Variants in XRRA1 observed in about 807,000 individuals in gnomAD.
XRRA1 encodes the protein X-ray radiation resistance-associated protein 1.
A neutral mutation model predicts 80.2 loss-of-function variants in XRRA1; 69 were observed. That is an observed-to-expected ratio of 0.86 (90% CI 0.71 to 1.05). XRRA1 has a LOEUF of 1.05. Among genes scored for constraint, XRRA1 ranks in the 50% least tolerant of loss-of-function variants. The probability of loss-of-function intolerance (pLI) is 0.00; values close to 1 mark genes in which losing one functional copy is unlikely to be tolerated. For synonymous variants in XRRA1, 348 were observed against 389.9 expected (o/e 0.89, Z 1.27); for missense variants, 967 against 976.4 (o/e 0.99, Z 0.13).
In XRRA1 at chr11:74,843,872, T is replaced by A; in HGVS notation, c.2131A>T (p.Ile711Phe). The change falls in exon 18 of 19, where the codon ATT becomes TTT. Residue 711 changes from isoleucine (I) to phenylalanine (F), a missense_variant. By Grantham distance (21) the Ile-to-Phe change is conservative (BLOSUM62 0). Coordinates refer to ENST00000684022, the MANE Select transcript of XRRA1 (RefSeq NM_001378157.1). ...GCCGTACCTAGTGGAGCCTCTGTAATGTTCCGGGGATCCCGCAAGCGAATG... is the reference window on the plus strand; with the variant it reads ...GCCGTACCTAGTGGAGCCTCTGTAAAGTTCCGGGGATCCCGCAAGCGAATG... ...IFIRLRDPRN[I>F]TEAPLGAVLH... 1 of 1,611,408 alleles carries A rather than the reference T, an allele frequency of 6.2e-7. No homozygotes were observed. Among genetic ancestry groups the A allele is most frequent in the South Asian group, 1.1e-5 (1 of 90,292 alleles).
chr11:74,869,855 C>T (rs549384738), intron 10 of XRRA1, among the ~76,000 whole-genome samples: 1 of 152,310 alleles, frequency 6.6e-6, no homozygotes, highest in African/African-American at 2.4e-5. Flanking sequence ...CCCTCTCCAG[C>T]AGAAAGCTAT....
chr11:74,899,785 C>G (rs2053192245), intron 10 of XRRA1, among the ~76,000 whole-genome samples: 2 of 152,084 alleles, frequency 1.3e-5, no homozygotes, highest in African/African-American at 4.8e-5. Flanking sequence ...AAAGAAAAGC[C>G]TGAGACATCA....
At chr11:74,844,617 GC>G (rs2037521821) in intron 16 of XRRA1, among the ~76,000 whole-genome samples, 1 of 152,228 alleles carries the variant, frequency 6.6e-6, no homozygotes, top group African/African-American at 2.4e-5. Context: ...GAACAGCCCA[GC>G]TGAATGCCAG....
intron 7 of XRRA1, among the ~76,000 whole-genome samples, chr11:74,925,874 C>G (rs1166861740): frequency 2.0e-5 from 3 of 152,274 alleles, no homozygotes; most frequent in African/African-American, 7.2e-5. Context: ...AATGACTACT[C>G]TCTGAAAAAG....
In XRRA1 at chr11:74,921,212, A is replaced by C. The variant is rs772651315; in HGVS notation, c.656+2T>G. ...GAATGGACTCCAGGAGGTAGAACTT[A>C]CTGTTCTGCGACGGCCAAATTGGGC... On this transcript the variant is annotated splice_donor_variant, in intron 8 of 18. Coordinates refer to ENST00000684022, the MANE Select transcript of XRRA1 (RefSeq NM_001378157.1). LOFTEE classifies it high-confidence loss of function. The C allele has an allele frequency of 8.7e-6, 14 of 1,613,580 alleles. No homozygotes were observed. The South Asian group carries it at 1.4e-4, about 16-fold the overall frequency.
intron 11 of XRRA1, among the ~76,000 whole-genome samples, chr11:74,861,059 C>CT (rs2042194312): frequency 6.6e-6 from 1 of 152,198 alleles, no homozygotes; most frequent in Non-Finnish European, 1.5e-5. Flanking sequence ...GCTCTGGACT[C>CT]TGAGGTGTGG....
At chr11:74,943,526 T>TAGGAGG (rs1282263991) in intron 2 of XRRA1, among the ~76,000 whole-genome samples, 18 of 39,462 alleles carry the variant, frequency 4.6e-4, no homozygotes, top group African/African-American at 2.0e-3. Context: ...AGTAGGAGGG[T>TAGGAGG]GTGTGTGTGT....
intron 10 of XRRA1, among the ~76,000 whole-genome samples, chr11:74,866,618 T>G (rs2043464629): frequency 6.9e-6 from 1 of 145,374 alleles, no homozygotes; most frequent in African/African-American, 2.6e-5. Flanking sequence ...AGTTCAGAAA[T>G]TTACCAGAAA....
chr11:74,848,220 A>C lies in XRRA1; in HGVS notation c.1623T>G (p.His541Gln), dbSNP rs558663204. 3.1e-6 allele frequency: 5 copies of C among 1,613,854 alleles called. No individual in the cohort carries two copies. In the Admixed American group the frequency reaches 5.0e-5, roughly 16 times the overall value. ...LPPICSNSTV[H>Q]SEETLSHLSD... The stretch of plus-strand genomic sequence containing the variant: ...TCAGGTGGGACAGGGTCTCTTCACT[A>C]TGCACAGTGGAGTTGGAGCAGATGG... Residue 541 changes from histidine (H) to glutamine (Q), a missense_variant, in exon 15 of 19, where the codon CAT (histidine) becomes CAG (glutamine). Physicochemically the swap from His to Gln is conservative, Grantham distance 24. Coordinates refer to ENST00000684022, the MANE Select transcript of XRRA1 (RefSeq NM_001378157.1).
At position 74,851,187 on chromosome 11, in the gene XRRA1, C is replaced by A. The variant is rs1214464841; in HGVS notation, c.1281G>T (p.Leu427=). Residue 427 remains leucine (L), a synonymous_variant, in exon 14 of 19, where the codon CTG becomes CTT. Coordinates refer to ENST00000684022, the MANE Select transcript of XRRA1 (RefSeq NM_001378157.1). ...CCAGTCGCTCCTGGAGGAAGCTCTT[C>A]AGCAGTGGAGGGACCCCTGGTGCCA... ...VAHTRGVPPL[L]KSFLQERLGI... The A allele has an allele frequency of 6.2e-7, 1 of 1,611,920 alleles. No individual in the cohort carries two copies. The highest frequency in any genetic ancestry group is 2.2e-5 in the East Asian group (1 of 44,830).
rs2135188785 is a variant in XRRA1, at chr11:74,841,461, TC to T, written c.*1738del. On this transcript the variant is annotated 3_prime_UTR_variant, in exon 19 of 19. Coordinates refer to ENST00000684022, the MANE Select transcript of XRRA1 (RefSeq NM_001378157.1). Reference sequence around the variant, plus strand: ...TATGCAAGGGTCACCAGTTTAGAGATCAGTCAAATTGGAAAAAGTGCCAAGA... The same window carrying T: ...TATGCAAGGGTCACCAGTTTAGAGATAGTCAAATTGGAAAAAGTGCCAAGA... 6.6e-6 allele frequency: 1 copy of T among 152,310 alleles called. No individual in the cohort carries two copies. The highest frequency in any genetic ancestry group is 2.1e-4 in the South Asian group (1 of 4,826). The allele number at this position is 152,310 out of a possible 1,614,324, so 9.4% of individuals were successfully genotyped here.
chr11:74,936,854 C>T, intron 4 of XRRA1, 30 bp downstream of exon 4: 1 of 1,599,116 alleles, frequency 6.3e-7, no homozygotes, highest in East Asian at 2.2e-5. Context: ...AGCTGATGTG[C>T]TGGCCACTCC....
chr11:74,843,357 C>T lies in XRRA1; in HGVS notation c.2246G>A (p.Arg749Gln), dbSNP rs753120857. The change falls in exon 19 of 19, where the codon CGG becomes CAG. Residue 749 changes from arginine (R) to glutamine (Q), a missense_variant. Arg to Gln is a conservative substitution (Grantham distance 43). Coordinates refer to ENST00000684022, the MANE Select transcript of XRRA1 (RefSeq NM_001378157.1). Reference sequence around the variant, plus strand: ...GCGCAGAGAGCCACTCACCAGCTGCCGGTAACGTGCCTGGAACTCCTTCAA... The same window carrying T: ...GCGCAGAGAGCCACTCACCAGCTGCTGGTAACGTGCCTGGAACTCCTTCAA... ...RLLKEFQARYRQLVSGSLRTV... is the reference protein window; with the variant it reads ...RLLKEFQARYQQLVSGSLRTV... The T allele has an allele frequency of 1.5e-5, 24 of 1,611,154 alleles. No homozygotes were observed. In the South Asian group the frequency reaches 2.0e-4, roughly 13 times the overall value.
chr11:74,936,972 G>T lies in XRRA1; in HGVS notation c.191C>A (p.Ala64Glu), dbSNP rs770418311. The change falls in exon 4 of 19, where the codon GCG becomes GAG. Residue 64 changes from alanine to glutamate, a missense_variant. By Grantham distance (107) the Ala-to-Glu change is moderately radical (BLOSUM62 -1). Transcript: ENST00000684022. ...CTTCCCCTTGAACTCAAAAGAAGTC[G>T]CCTTCAGGCTTTCCCGACGTTCAGC... Reference protein sequence around the residue: ...AQAERRESLKATSFEFKGKKE... With the variant: ...AQAERRESLKETSFEFKGKKE... The T allele has an allele frequency of 1.2e-6, 2 of 1,613,562 alleles. No individual in the cohort carries two copies. Among genetic ancestry groups the T allele is most frequent in the African/African-American group, 1.3e-5 (1 of 74,838 alleles).
intron 4 of XRRA1, among the ~76,000 whole-genome samples, chr11:74,935,412 T>A (rs139648394): frequency 1.9e-3 from 283 of 152,324 alleles, no homozygotes; most frequent in African/African-American, 6.5e-3. Context: ...TATTTTTATG[T>A]GAAATAAAAG....
intron 14 of XRRA1, 121 bp from the exon 15 acceptor site, chr11:74,848,583 G>A: frequency 2.4e-6 from 2 of 845,916 alleles, no homozygotes; most frequent in Non-Finnish European, 1.8e-6. Context: ...TGAGGCGGGG[G>A]TGGAAAGGGA....
In XRRA1 at chr11:74,924,958, T is replaced by C. The variant is rs151251012; in HGVS notation, c.522+2433A>G. Among the ~76,000 whole-genome samples, 1,136 of 152,348 alleles carry C rather than the reference T, an allele frequency of 7.5e-3. 15 individuals are homozygous for C. Among genetic ancestry groups the C allele is most frequent in the African/African-American group, 0.026 (1,065 of 41,576 alleles). On this transcript the variant is annotated intron_variant, in intron 7 of 18. Coordinates refer to ENST00000684022, the MANE Select transcript of XRRA1 (RefSeq NM_001378157.1). ...AACAGCAGAGCTGACTAGCTATGAT[T>C]AGTTATGACCATATGAACCACAAAG...
In XRRA1 at chr11:74,922,127, C is replaced by T. The variant is rs555202722; in HGVS notation, c.523-780G>A. 3.8e-4 allele frequency among the ~76,000 whole-genome samples: 57 copies of T among 151,882 alleles called. No homozygotes were observed. The South Asian group carries it at 7.5e-3, about 20-fold the overall frequency. On this transcript the variant is annotated intron_variant, in intron 7 of 18. Transcript: ENST00000684022. ...AAAAAATTAGCCAGGCATGGTGGCACACGCCTGTAGTGCCAGCTACTCAGG... is the reference window on the plus strand; with the variant it reads ...AAAAAATTAGCCAGGCATGGTGGCATACGCCTGTAGTGCCAGCTACTCAGG...
chr11:74,944,469 A>C (rs1343081391), intron 2 of XRRA1, among the ~76,000 whole-genome samples: 1 of 152,238 alleles, frequency 6.6e-6, no homozygotes, highest in Admixed American at 6.5e-5. Context: ...TTATGACATA[A>C]CAGATTCCAT....
Sources: allele counts gnomAD v4.1 joint callset (sites outside exome capture counted in the v4.1 genomes callset), GRCh38; gene constraint gnomAD v4.1.1; transcripts MANE v1.5; gene names NCBI Gene and HGNC (gene_info 2026-07-23, HGNC 2026-07-21).